CPNE4: variants seen among roughly 807,000 people sequenced by gnomAD.
CPNE4 encodes copine 4, also known as copine-4.
Under a neutral mutation model 67.9 loss-of-function variants are expected in CPNE4, and 25 were observed. The ratio of observed to expected loss-of-function variants is 0.37; its 90% confidence interval spans 0.27 to 0.51. The LOEUF (loss-of-function observed/expected upper bound fraction) is 0.51, where lower values mean the gene tolerates loss of function less well. Among genes scored for constraint, CPNE4 ranks in the 20% least tolerant of loss-of-function variants. The pLI, the probability that CPNE4 is intolerant of heterozygous loss-of-function variation, is 0.93. For synonymous variants in CPNE4, 242 were observed against 244.9 expected, an observed-to-expected ratio of 0.99 and a Z score of 0.11; for missense variants, 464 against 690.8, an observed-to-expected ratio of 0.67 and a Z score of 3.68.
rs550801055 is a variant in CPNE4 at position 132,011,272 on chromosome 3, G to A, written c.-2+23295C>T. 5.9e-5 allele frequency among the ~76,000 whole-genome samples: 9 copies of A among 152,318 alleles called. No individual in the cohort carries two copies. In the South Asian group the frequency reaches 1.9e-3, roughly 32 times the overall value. On this transcript the variant is annotated intron_variant, in intron 1 of 15. Coordinates refer to ENST00000429747, the MANE Select transcript of CPNE4 (RefSeq NM_130808.3). The stretch of plus-strand genomic sequence containing the variant: ...TGCTCAAAATCACAAAAACGAGTTG[G>A]CAGAGAACTGGGATCAGATTGACAA...
chr3:131,668,928 A>G (rs538045988), intron 7 of CPNE4, among the ~76,000 whole-genome samples: 3 of 152,286 alleles, frequency 2.0e-5, no homozygotes, highest in Admixed American at 1.3e-4. Flanking sequence ...TTCCACCAAG[A>G]GATGTAGTCT....
chr3:131,875,834 TA>T (rs34899392), intron 2 of CPNE4, among the ~76,000 whole-genome samples: 30,369 of 151,824 alleles, frequency 0.2, 3,813 homozygotes, highest in Non-Finnish European at 0.27. Flanking sequence ...TAAAGTATAA[TA>T]AAAAAAAGAC....
At chr3:131,921,142 T>A (rs941149569) in intron 1 of CPNE4, among the ~76,000 whole-genome samples, 5 of 152,192 alleles carry the variant, frequency 3.3e-5, no homozygotes, top group Non-Finnish European at 7.3e-5. Context: ...AGAAACTCAC[T>A]TCCCCCAAGA....
chr3:131,758,041 G>A (rs1268995059), intron 2 of CPNE4, among the ~76,000 whole-genome samples: 4 of 152,232 alleles, frequency 2.6e-5, no homozygotes, highest in African/African-American at 9.6e-5. Flanking sequence ...GGGCCCTCAT[G>A]GAGAACCTCT....
At chr3:131,745,233 T>C (rs1583126786) in intron 2 of CPNE4, among the ~76,000 whole-genome samples, 1 of 152,132 alleles carries the variant, frequency 6.6e-6, no homozygotes, top group East Asian at 1.9e-4. Flanking sequence ...TATGTCCTCT[T>C]TGATGAAACG....
At chr3:131,807,034 G>A (rs2084342292) in intron 2 of CPNE4, among the ~76,000 whole-genome samples, 1 of 152,230 alleles carries the variant, frequency 6.6e-6, no homozygotes, top group Non-Finnish European at 1.5e-5. Flanking sequence ...ACCAGGACAA[G>A]GGACCTGCAT....
chr3:132,023,487 T>C (rs2074044281), intron 1 of CPNE4, among the ~76,000 whole-genome samples: 2 of 133,664 alleles, frequency 1.5e-5, no homozygotes, highest in Non-Finnish European at 3.2e-5. Flanking sequence ...GCCTTTTTTT[T>C]TTTTTTTTTT....
At chr3:131,556,770 C>T (rs575455240) in intron 11 of CPNE4, among the ~76,000 whole-genome samples, 1 of 152,106 alleles carries the variant, frequency 6.6e-6, no homozygotes, top group Admixed American at 6.6e-5. Flanking sequence ...TGGAGTTTCT[C>T]TCTTAATTAT....
intron 7 of CPNE4, among the ~76,000 whole-genome samples, chr3:131,636,871 G>A (rs2079401860): frequency 6.6e-6 from 1 of 152,162 alleles, no homozygotes; most frequent in Admixed American, 6.5e-5. Flanking sequence ...AGGGCTCTTT[G>A]CAGACAGTTC....
At chr3:131,974,743 C>G (rs1226979520) in intron 1 of CPNE4, among the ~76,000 whole-genome samples, 1 of 152,172 alleles carries the variant, frequency 6.6e-6, no homozygotes, top group Non-Finnish European at 1.5e-5. Flanking sequence ...CCCAGTGGCT[C>G]ACGTATGTAA....
At chr3:131,690,753 C>A (rs1347443845) in intron 5 of CPNE4, among the ~76,000 whole-genome samples, 8 of 151,210 alleles carry the variant, frequency 5.3e-5, no homozygotes, top group Non-Finnish European at 1.0e-4. Flanking sequence ...TATTAACAGA[C>A]TAAACAAGTG....
intron 1 of CPNE4, among the ~76,000 whole-genome samples, chr3:131,989,171 T>C (rs1436970402): frequency 6.6e-6 from 1 of 152,218 alleles, no homozygotes; most frequent in Non-Finnish European, 1.5e-5. Context: ...ATGATGAACA[T>C]GACCTCTAGG....
chr3:131,765,465 T>C (rs899237127), intron 2 of CPNE4, among the ~76,000 whole-genome samples: 1 of 152,132 alleles, frequency 6.6e-6, no homozygotes, highest in African/African-American at 2.4e-5. Context: ...AGTCAAAAGC[T>C]GTTACATCAT....
intron 7 of CPNE4, among the ~76,000 whole-genome samples, chr3:131,642,777 T>C (rs2079571130): frequency 1.3e-5 from 2 of 152,148 alleles, no homozygotes; most frequent in African/African-American, 4.8e-5. Context: ...CTTGCTTCCC[T>C]TTCTGTCATA....
At chr3:131,953,932 G>A (rs2107898437) in intron 1 of CPNE4, among the ~76,000 whole-genome samples, 1 of 152,226 alleles carries the variant, frequency 6.6e-6, no homozygotes, top group African/African-American at 2.4e-5. Context: ...ACATTTTTGA[G>A]GTGATTGATA....
chr3:131,699,047 C>T (rs568615372), intron 4 of CPNE4, among the ~76,000 whole-genome samples: 222 of 150,864 alleles, frequency 1.5e-3, no homozygotes, highest in African/African-American at 5.0e-3. Flanking sequence ...TACCTTGTTT[C>T]TTTTGCTTGT....
At chr3:131,921,855 T>C (rs372167791) in intron 1 of CPNE4, among the ~76,000 whole-genome samples, 4 of 152,212 alleles carry the variant, frequency 2.6e-5, no homozygotes, top group East Asian at 1.9e-4. Flanking sequence ...CCAGAGAAGA[T>C]AGACATGCTT....
chr3:131,995,998 T>C lies in CPNE4; in HGVS notation c.-2+38569A>G, dbSNP rs555121868. On this transcript the variant is annotated intron_variant, in intron 1 of 15. Transcript: ENST00000429747. The stretch of plus-strand genomic sequence containing the variant: ...GTTAGGACTCCATGGCTCATGCTAC[T>C]GAATTTAGAAGTGTCATTCCTGTGC... Among the ~76,000 whole-genome samples the C allele has an allele frequency of 5.9e-5, 9 of 152,334 alleles. No homozygotes were observed. The East Asian group carries it at 1.7e-3, about 29-fold the overall frequency.
At chr3:131,583,803 A>G (rs143454418) in intron 8 of CPNE4, among the ~76,000 whole-genome samples, 52 of 152,234 alleles carry the variant, frequency 3.4e-4, no homozygotes, top group African/African-American at 1.2e-3. Context: ...TACTTTCCCA[A>G]TCCCATTTAA....
Sources: gnomAD v4.1 joint callset for allele counts (sites outside exome capture counted in the v4.1 genomes callset) on GRCh38, gnomAD v4.1.1 for gene constraint, MANE v1.5 for transcripts, NCBI Gene and HGNC (gene_info 2026-07-23, HGNC 2026-07-21) for gene names.